The following MTUS1 variants were observed in gnomAD, a reference collection of about 807,000 sequenced individuals.
MTUS1 encodes the protein microtubule-associated tumor suppressor 1.
In MTUS1, 109 loss-of-function variants were observed where a neutral mutation model predicts 120.8. The observed-to-expected ratio is 0.90, with a 90% CI of 0.77 to 1.06. The LOEUF (loss-of-function observed/expected upper bound fraction) is 1.06, where lower values mean the gene tolerates loss of function less well. MTUS1 is among the 50% of genes least tolerant of loss of function. The pLI is 0.00. For missense variants in MTUS1, 2,210 were observed against 1,486.3 expected (o/e 1.49, Z -8.01); for synonymous variants, 737 against 550.5 (o/e 1.34, Z -4.74).
chr8:17,699,202 T>G (rs142845277), intron 6 of MTUS1, among the ~76,000 whole-genome samples: 1 of 152,122 alleles, frequency 6.6e-6, no homozygotes, highest in Non-Finnish European at 1.5e-5. Context: ...AAATTCTAAA[T>G]TATCCTTTTT....
chr8:17,791,623 G>C (rs1299441620), intron 1 of MTUS1, among the ~76,000 whole-genome samples: 1 of 152,126 alleles, frequency 6.6e-6, no homozygotes, highest in Non-Finnish European at 1.5e-5. Context: ...CAGCTCACTA[G>C]ACTTAAACTT....
Position 17,649,803 on chromosome 8 carries a change from T to C in MTUS1, c.3501+43A>G, listed in dbSNP as rs376275745. 70 of 1,081,842 alleles carry C rather than the reference T, an allele frequency of 6.5e-5. 1 individual carries two copies. In the South Asian group the frequency reaches 7.6e-4, roughly 12 times the overall value. 67.0% of individuals were successfully genotyped at this position (1,081,842 alleles called of 1,614,324 possible). On this transcript the variant is annotated intron_variant, in intron 13 of 14. Coordinates refer to ENST00000693296, the MANE Select transcript of MTUS1 (RefSeq NM_001363059.2). ...ATGCAGGGCTCAATTTCACACATAT[T>C]ACCCCATTTGTAAGATCCTCTTTCA...
At chr8:17,780,425 C>G in intron 1 of MTUS1, among the ~76,000 whole-genome samples, 1 of 152,182 alleles carries the variant, frequency 6.6e-6, no homozygotes, top group East Asian at 1.9e-4. Context: ...CTGATACAAT[C>G]TCAAGCTTCA....
intron 1 of MTUS1, among the ~76,000 whole-genome samples, chr8:17,783,632 G>A (rs1420604863): frequency 1.3e-5 from 2 of 152,144 alleles, no homozygotes; most frequent in Non-Finnish European, 1.5e-5. Flanking sequence ...TGGCTACTGT[G>A]TTCAACTCAG....
chr8:17,696,532 C>T (rs191987848), intron 6 of MTUS1, among the ~76,000 whole-genome samples: 1 of 152,300 alleles, frequency 6.6e-6, no homozygotes, highest in Non-Finnish European at 1.5e-5. Context: ...TTTACTGTAG[C>T]TGTAAAATCA....
In MTUS1 at chr8:17,667,848, G is replaced by A. The variant is rs145473828; in HGVS notation, c.2905+7338C>T. On this transcript the variant is annotated intron_variant, in intron 8 of 14. Coordinates refer to ENST00000693296, the MANE Select transcript of MTUS1 (RefSeq NM_001363059.2). ...TTTATAAATACAATGCAGAGAAGTA[G>A]ACTGAGAGCTGAACATTGTTTGTTA... Among the ~76,000 whole-genome samples, 1,097 of 152,314 alleles carry A rather than the reference G, an allele frequency of 7.2e-3. 3 individuals carry two copies. Among genetic ancestry groups the A allele is most frequent in the Non-Finnish European group, 0.011 (763 of 68,030 alleles).
intron 1 of MTUS1, among the ~76,000 whole-genome samples, chr8:17,774,087 T>C (rs576419542): frequency 9.9e-5 from 15 of 152,270 alleles, no homozygotes; most frequent in African/African-American, 2.9e-4. Flanking sequence ...CACAAGCATA[T>C]AATCTTCCAA....
intron 7 of MTUS1, among the ~76,000 whole-genome samples, chr8:17,680,757 T>C (rs1261244548): frequency 6.6e-6 from 1 of 152,044 alleles, no homozygotes; most frequent in African/African-American, 2.4e-5. Context: ...GAGGGAAAAG[T>C]ATCTTTAAAC....
chr8:17,724,389 A>T (rs1353445791), intron 3 of MTUS1, among the ~76,000 whole-genome samples: 1 of 152,238 alleles, frequency 6.6e-6, no homozygotes, highest in East Asian at 1.9e-4. Context: ...GGAAAATTTT[A>T]AAATCACCCA....
chr8:17,741,887 G>A (rs2047345098), intron 3 of MTUS1, among the ~76,000 whole-genome samples: 1 of 152,192 alleles, frequency 6.6e-6, no homozygotes, highest in Non-Finnish European at 1.5e-5. Context: ...AAGATGTGAA[G>A]ATGAAGCCCA....
chr8:17,793,240 A>T (rs968247856), intron 1 of MTUS1, among the ~76,000 whole-genome samples: 3 of 152,124 alleles, frequency 2.0e-5, no homozygotes, highest in Admixed American at 2.0e-4. Flanking sequence ...CTTCATAATA[A>T]AACAGTAACT....
At chr8:17,707,626 A>G (rs894743687) in intron 6 of MTUS1, among the ~76,000 whole-genome samples, 2 of 152,228 alleles carry the variant, frequency 1.3e-5, no homozygotes, top group Non-Finnish European at 2.9e-5. Flanking sequence ...TGACTTCATT[A>G]CAGAGATTGA....
At chr8:17,726,007 C>A (rs1040438869) in intron 3 of MTUS1, among the ~76,000 whole-genome samples, 1 of 152,122 alleles carries the variant, frequency 6.6e-6, no homozygotes, top group Non-Finnish European at 1.5e-5. Flanking sequence ...ATGCCTCTAC[C>A]CCTTCATACA....
At chr8:17,704,434 G>A (rs373625294) in intron 6 of MTUS1, among the ~76,000 whole-genome samples, 30 of 152,182 alleles carry the variant, frequency 2.0e-4, no homozygotes, top group South Asian at 4.2e-4. Context: ...AATCCATCTC[G>A]AGTTGATTTT....
intron 6 of MTUS1, chr8:17,693,249 G>T: frequency 6.6e-6 from 1 of 152,278 alleles, no homozygotes; most frequent in Admixed American, 6.5e-5. Flanking sequence ...GACTATTGCT[G>T]ACCCTTCTCC....
intron 5 of MTUS1, among the ~76,000 whole-genome samples, chr8:17,713,558 G>T (rs1364464157): frequency 6.6e-6 from 1 of 152,206 alleles, no homozygotes; most frequent in African/African-American, 2.4e-5. Context: ...AGTTTTAACA[G>T]TACTGAATTC....
chr8:17,732,434 G>C (rs1002795245), intron 3 of MTUS1, among the ~76,000 whole-genome samples: 4 of 152,168 alleles, frequency 2.6e-5, no homozygotes, highest in Non-Finnish European at 5.9e-5. Context: ...TACGTTCCTG[G>C]CTGTTCCTTC....
At chr8:17,764,004 G>A (rs1412200369) in intron 1 of MTUS1, among the ~76,000 whole-genome samples, 1 of 152,196 alleles carries the variant, frequency 6.6e-6, no homozygotes, top group Non-Finnish European at 1.5e-5. Context: ...TGGAGGATTA[G>A]TGCCCACAAA....
intron 1 of MTUS1, among the ~76,000 whole-genome samples, chr8:17,786,645 G>C (rs2051325475): frequency 6.6e-6 from 1 of 152,172 alleles, no homozygotes; most frequent in African/African-American, 2.4e-5. Flanking sequence ...GGGTTATAAA[G>C]AAATAAAGTT....
Sources: gnomAD v4.1 joint callset for allele counts (sites outside exome capture counted in the v4.1 genomes callset) on GRCh38, gnomAD v4.1.1 for gene constraint, MANE v1.5 for transcripts, NCBI Gene and HGNC (gene_info 2026-07-23, HGNC 2026-07-21) for gene names.